The following NDST3 variants were observed in gnomAD, a reference collection of about 807,000 sequenced individuals.
NDST3 encodes the protein bifunctional heparan sulfate N-deacetylase/N-sulfotransferase 3.
A neutral mutation model predicts 96.1 loss-of-function variants in NDST3; 58 were observed. The ratio of observed to expected loss-of-function variants is 0.60; its 90% CI spans 0.49 to 0.75. The LOEUF is 0.75. Among genes scored for constraint, NDST3 ranks in the 30% least tolerant of loss-of-function variants. The probability of loss-of-function intolerance (pLI) is 0.00; values close to 1 mark genes in which losing one functional copy is unlikely to be tolerated. For synonymous variants in NDST3, 333 were observed against 359.7 expected (o/e 0.93, Z 0.84); for missense variants, 788 against 1,034.2 (o/e 0.76, Z 3.27).
chr4:118,172,587 T>C (rs1166041812), intron 6 of NDST3, among the ~76,000 whole-genome samples: 1 of 152,136 alleles, frequency 6.6e-6, no homozygotes, highest in Non-Finnish European at 1.5e-5. Flanking sequence ...GTCATTAAAA[T>C]AACAAAAAGA....
chr4:118,066,193 A>G (rs1309115707), intron 2 of NDST3, among the ~76,000 whole-genome samples: 1 of 71,166 alleles, frequency 1.4e-5, no homozygotes, highest in Non-Finnish European at 2.5e-5. Context: ...TATATCTTAT[A>G]TATTATATTT....
At chr4:118,092,056 A>ATTTATTTGTTTG (rs1553930189) in intron 2 of NDST3, among the ~76,000 whole-genome samples, 1 of 148,388 alleles carries the variant, frequency 6.7e-6, no homozygotes, top group Non-Finnish European at 1.5e-5. Flanking sequence ...TTTCTTATTT[A>ATTTATTTGTTTG]TTTATTTATT....
intron 3 of NDST3, among the ~76,000 whole-genome samples, chr4:118,110,303 G>A (rs1412185079): frequency 4.6e-5 from 7 of 152,148 alleles, no homozygotes; most frequent in Admixed American, 3.9e-4. Context: ...TAGACTCAAC[G>A]TTTGGCCAGT....
chr4:118,168,822 C>T (rs879875177), intron 6 of NDST3, among the ~76,000 whole-genome samples: 3 of 152,164 alleles, frequency 2.0e-5, no homozygotes, highest in Admixed American at 6.5e-5. Flanking sequence ...CTATGTGTGA[C>T]AACATGGATC....
intron 2 of NDST3, among the ~76,000 whole-genome samples, chr4:118,097,639 G>T (rs1278913677): frequency 6.6e-6 from 1 of 151,880 alleles, no homozygotes; most frequent in East Asian, 1.9e-4. Context: ...AGAAGTTTGA[G>T]AAGCACTGAT....
chr4:118,093,210 A>C (rs527717702), intron 2 of NDST3, among the ~76,000 whole-genome samples: 2 of 151,938 alleles, frequency 1.3e-5, no homozygotes, highest in East Asian at 1.9e-4. Flanking sequence ...AATTTATTTT[A>C]GATTATATTA....
At chr4:118,179,823 A>C (rs1736493001) in intron 6 of NDST3, among the ~76,000 whole-genome samples, 1 of 152,200 alleles carries the variant, frequency 6.6e-6, no homozygotes, top group East Asian at 1.9e-4. Context: ...GTTGTGAATA[A>C]GTCTCAATTT....
intron 6 of NDST3, among the ~76,000 whole-genome samples, chr4:118,148,283 G>C (rs1734103399): frequency 6.6e-6 from 1 of 152,202 alleles, no homozygotes; most frequent in African/African-American, 2.4e-5. Flanking sequence ...GGGCGACAGA[G>C]CGAGACTCTG....
chr4:118,193,584 TCTG>T, intron 6 of NDST3: 2 of 1,147,120 alleles, frequency 1.7e-6, no homozygotes, highest in Non-Finnish European at 2.6e-6. Flanking sequence ...TGCCTGCAGA[TCTG>T]CTGCTGGCAC....
intron 6 of NDST3, among the ~76,000 whole-genome samples, chr4:118,171,993 A>G (rs1735984819): frequency 6.6e-6 from 1 of 152,216 alleles, no homozygotes; most frequent in Non-Finnish European, 1.5e-5. Context: ...CCCCTTCTGT[A>G]AAAATGTCAA....
At chr4:118,199,638 G>A (rs1450852740) in intron 6 of NDST3, among the ~76,000 whole-genome samples, 2 of 152,028 alleles carry the variant, frequency 1.3e-5, no homozygotes, top group Non-Finnish European at 2.9e-5. Flanking sequence ...TTTGTGTCTG[G>A]CCATTGAAGA....
intron 6 of NDST3, among the ~76,000 whole-genome samples, chr4:118,153,641 C>T (rs926579419): frequency 3.3e-5 from 5 of 152,004 alleles, no homozygotes; most frequent in Admixed American, 2.0e-4. Flanking sequence ...CTGGCCAACA[C>T]TGTGAAACCC....
chr4:118,065,819 G>C (rs1726270153), intron 2 of NDST3, among the ~76,000 whole-genome samples: 1 of 150,922 alleles, frequency 6.6e-6, no homozygotes, highest in African/African-American at 2.4e-5. Flanking sequence ...TATCTCCCCT[G>C]CTTTGATATC....
intron 6 of NDST3, among the ~76,000 whole-genome samples, chr4:118,162,730 A>C (rs1432273223): frequency 6.8e-6 from 1 of 146,506 alleles, no homozygotes; most frequent in Non-Finnish European, 1.5e-5. Flanking sequence ...CAATGGCAAC[A>C]AAAGACAAAA....
intron 8 of NDST3, among the ~76,000 whole-genome samples, chr4:118,227,712 C>G (rs985474079): frequency 1.3e-5 from 2 of 151,172 alleles, no homozygotes; most frequent in African/African-American, 2.4e-5. Context: ...CCCGGGTTCA[C>G]GCCATTCTCC....
At chr4:118,048,253 A>C (rs1384128463) in intron 1 of NDST3, among the ~76,000 whole-genome samples, 1 of 152,120 alleles carries the variant, frequency 6.6e-6, no homozygotes, top group African/African-American at 2.4e-5. Flanking sequence ...TTGAAAAGCA[A>C]CACCTGCTAC....
chr4:118,162,258 T>A (rs556309978), intron 6 of NDST3, among the ~76,000 whole-genome samples: 16 of 152,202 alleles, frequency 1.1e-4, no homozygotes, highest in African/African-American at 3.6e-4. Flanking sequence ...TACTTTAAAG[T>A]TCATATGGAA....
chr4:118,218,197 T>G (rs1739311011), intron 6 of NDST3, among the ~76,000 whole-genome samples: 1 of 151,910 alleles, frequency 6.6e-6, no homozygotes. Context: ...TTTTATAAGA[T>G]CAGCATCATC....
At position 118,053,737 on chromosome 4, in the gene NDST3, A is replaced by G. The variant is rs562568534; in HGVS notation, c.-155-19A>G. ...TAATGCTGCAAACTGACTGTTTTAT[A>G]TTCTTTTCTATTTTTCAGACTGTAT... On this transcript the variant is annotated intron_variant, in intron 1 of 13. Coordinates refer to ENST00000296499, the MANE Select transcript of NDST3 (RefSeq NM_004784.3). 1 of 651,380 alleles carries G rather than the reference A, an allele frequency of 1.5e-6. No individual in the cohort carries two copies. Among genetic ancestry groups the G allele is most frequent in the East Asian group, 2.9e-5 (1 of 34,290 alleles). 40.4% of individuals were successfully genotyped at this position (651,380 alleles called of 1,614,324 possible). A position where few individuals can be genotyped will look rare whatever the true frequency, so the allele number is the denominator to read the frequency against.
Sources: gnomAD v4.1 joint callset for allele counts (sites outside exome capture counted in the v4.1 genomes callset) on GRCh38, gnomAD v4.1.1 for gene constraint, MANE v1.5 for transcripts, NCBI Gene and HGNC (gene_info 2026-07-23, HGNC 2026-07-21) for gene names.